Variants in FMO4 observed in about 807,000 individuals in gnomAD.
FMO4 encodes the protein dimethylaniline monooxygenase [N-oxide-forming] 4.
A neutral mutation model predicts 43.3 loss-of-function variants in FMO4; 38 were observed. That is an observed-to-expected ratio of 0.88 (90% CI 0.68 to 1.15). The LOEUF is 1.15. Ranked by LOEUF, FMO4 falls within the 50% of genes most tolerant of loss-of-function variation. FMO4 has a pLI of 0.00. For missense variants in FMO4, 631 were observed against 663.3 expected (o/e 0.95, Z 0.54); for synonymous variants, 224 against 232.2 (o/e 0.96, Z 0.32).
chr1:171,336,986 C>T (rs78673129), intron 8 of FMO4, among the ~76,000 whole-genome samples: 3,834 of 151,178 alleles, frequency 0.025, 169 homozygotes, highest in African/African-American at 0.088. Context: ...CACACACACA[C>T]GTACAATGTG....
intron 7 of FMO4, 31 bp downstream of exon 7, chr1:171,332,939 T>C (rs1446661668): frequency 1.0e-6 from 1 of 957,902 alleles, no homozygotes; most frequent in East Asian, 2.5e-5. Context: ...GTAGAAAAAA[T>C]ATTAAATCAA....
In FMO4 at chr1:171,341,677, C is replaced by T; in HGVS notation, c.1515C>T (p.Ser505=). The part of the protein sequence containing the change: ...KPLKTRIVPD[S]SKPASMSHYL... ...TAAAAACTCGAATTGTCCCTGATTC[C>T]TCCAAGCCTGCCTCCATGTCACATT... Residue 505 remains serine (S), a synonymous_variant, in exon 10 of 10, where the codon TCC becomes TCT. Transcript: ENST00000367749. 1 of 1,613,890 alleles carries T rather than the reference C, an allele frequency of 6.2e-7. No homozygotes were observed. Among genetic ancestry groups the T allele is most frequent in the Non-Finnish European group, 8.5e-7 (1 of 1,179,968 alleles).
intron 6 of FMO4, among the ~76,000 whole-genome samples, chr1:171,332,076 T>C (rs966120890): frequency 6.6e-6 from 1 of 152,184 alleles, no homozygotes; most frequent in Non-Finnish European, 1.5e-5. Context: ...CAAGACCATA[T>C]AGGCAAATTG....
intron 2 of FMO4, among the ~76,000 whole-genome samples, chr1:171,319,425 G>A (rs1662317113): frequency 6.6e-6 from 1 of 152,154 alleles, no homozygotes; most frequent in African/African-American, 2.4e-5. Context: ...AGGCAACATT[G>A]GGGTGCAAAA....
intron 8 of FMO4, among the ~76,000 whole-genome samples, chr1:171,336,664 C>T (rs568862018): frequency 9.8e-4 from 149 of 152,168 alleles, no homozygotes; most frequent in African/African-American, 3.4e-3. Context: ...AGTGCAGTGG[C>T]GTGATCATGG....
chr1:171,334,836 CA>C (rs1387115658), intron 8 of FMO4, 73 bp downstream of exon 8: 6 of 802,274 alleles, frequency 7.5e-6, no homozygotes, highest in Non-Finnish European at 1.2e-5. Context: ...TAAAATCAAA[CA>C]GATGTGAACT....
At position 171,336,801 on chromosome 1, in the gene FMO4, C is replaced by T. The variant is rs747427242; in HGVS notation, c.1181-555C>T. ...TATTTTTTGTAGAAAGAATATCTTGCTATGTTGCCAGGCTGGTCTTGAACT... is the reference window on the plus strand; with the variant it reads ...TATTTTTTGTAGAAAGAATATCTTGTTATGTTGCCAGGCTGGTCTTGAACT... On this transcript the variant is annotated intron_variant, in intron 8 of 9. Coordinates refer to ENST00000367749, the MANE Select transcript of FMO4 (RefSeq NM_002022.3). Among the ~76,000 whole-genome samples the T allele has an allele frequency of 3.9e-4, 60 of 152,006 alleles. 1 individual carries two copies. Among genetic ancestry groups the T allele is most frequent in the Non-Finnish European group, 4.4e-4 (30 of 68,016 alleles).
intron 3 of FMO4, 22 bp from the exon 4 acceptor site, chr1:171,322,982 G>A: frequency 6.3e-7 from 1 of 1,595,956 alleles, no homozygotes; most frequent in Non-Finnish European, 8.6e-7. Flanking sequence ...ATCCCAACAA[G>A]CTAACTATGC....
At chr1:171,325,041 G>A (rs1452117511) in intron 5 of FMO4, among the ~76,000 whole-genome samples, 1 of 152,154 alleles carries the variant, frequency 6.6e-6, no homozygotes, top group Non-Finnish European at 1.5e-5. Context: ...CTGGGGGAGT[G>A]GCGGTTGCAG....
chr1:171,324,437 T>C (rs1456353358), intron 5 of FMO4, 137 bp downstream of exon 5: 3 of 637,426 alleles, frequency 4.7e-6, no homozygotes, highest in African/African-American at 1.8e-5. Flanking sequence ...ATGTGCAAAA[T>C]TACTTTAAAA....
chr1:171,337,350 C>T lies in FMO4; in HGVS notation c.1181-6C>T, dbSNP rs1663163370. The T allele has an allele frequency of 6.2e-7, 1 of 1,603,420 alleles. No homozygotes were observed. Among genetic ancestry groups the T allele is most frequent in the Non-Finnish European group, 8.5e-7 (1 of 1,170,494 alleles). On this transcript the variant is annotated splice_polypyrimidine_tract_variant and splice_region_variant and intron_variant, in intron 8 of 9. Coordinates refer to ENST00000367749, the MANE Select transcript of FMO4 (RefSeq NM_002022.3). ...ACTTTAGTGTTGTTTGTGATTTTTC[C>T]CACAGGACTCTGTAAGATACCTCCA...
chr1:171,324,216 AAGCAAAAT>A lies in FMO4; in HGVS notation c.403_410del (p.Gln135SerfsTer4), dbSNP rs1358785068. 1.9e-6 allele frequency: 3 copies of A among 1,613,734 alleles called. No homozygotes were observed. The African/African-American group carries it at 4.0e-5, about 22-fold the overall frequency. On this transcript the variant is annotated frameshift_variant, in exon 5 of 10. Coordinates refer to ENST00000367749, the MANE Select transcript of FMO4 (RefSeq NM_002022.3). LOFTEE classifies it high-confidence loss of function. ...GGATGTTGTCACAGAGACAGAGGGCAAGCAAAATAGAGCTGTCTTTGATGCTGTTATGG... is the reference window on the plus strand; with the variant it reads ...GGATGTTGTCACAGAGACAGAGGGCAAGAGCTGTCTTTGATGCTGTTATGG...
At chr1:171,331,227 G>A (rs1364730359) in intron 5 of FMO4, among the ~76,000 whole-genome samples, 2 of 152,158 alleles carry the variant, frequency 1.3e-5, no homozygotes, top group Non-Finnish European at 2.9e-5. Context: ...TGTCAAGTAG[G>A]TATTTAGATA....
At chr1:171,331,551 A>G (rs2101897036) in intron 5 of FMO4, 89 bp from the exon 6 acceptor site, 1 of 1,266,144 alleles carries the variant, frequency 7.9e-7, no homozygotes. Flanking sequence ...TAGTTGTGGG[A>G]CTTCCCTTTT....
chr1:171,340,350 T>C (rs1663320575), intron 9 of FMO4, among the ~76,000 whole-genome samples: 1 of 152,178 alleles, frequency 6.6e-6, no homozygotes. Context: ...AGTTAGGGTT[T>C]TGCAATAACT....
At chr1:171,318,769 T>C (rs1044588432) in intron 2 of FMO4, among the ~76,000 whole-genome samples, 3 of 152,150 alleles carry the variant, frequency 2.0e-5, no homozygotes, top group Non-Finnish European at 4.4e-5. Context: ...ATTCCAACAT[T>C]TATCAGTCAT....
At chr1:171,333,093 G>C (rs1662969606) in intron 7 of FMO4, 185 bp downstream of exon 7, 1 of 460,834 alleles carries the variant, frequency 2.2e-6, no homozygotes, top group African/African-American at 2.0e-5. Context: ...TTCTCTTTCT[G>C]GTGGCAAAAG....
At chr1:171,319,986 T>C (rs1207770529) in intron 3 of FMO4, 29 bp downstream of exon 3, 1 of 1,612,488 alleles carries the variant, frequency 6.2e-7, no homozygotes, top group Non-Finnish European at 8.5e-7. Flanking sequence ...TCAGTCATGA[T>C]CTGGCCATTT....
chr1:171,326,253 G>T (rs1662662904), intron 5 of FMO4, among the ~76,000 whole-genome samples: 1 of 152,056 alleles, frequency 6.6e-6, no homozygotes, highest in Non-Finnish European at 1.5e-5. Context: ...TGCATAGAAA[G>T]TACCAGGATT....
Sources: allele counts gnomAD v4.1 joint callset (sites outside exome capture counted in the v4.1 genomes callset), GRCh38; gene constraint gnomAD v4.1.1; transcripts MANE v1.5; gene names NCBI Gene and HGNC (gene_info 2026-07-23, HGNC 2026-07-21).